Variants in ERC1 observed in about 807,000 individuals in gnomAD.
ERC1 encodes the protein RAB6 interacting protein 2.
ERC1 carries 56 observed loss-of-function variants against 132.0 expected under a neutral mutation model. The observed-to-expected ratio is 0.42, with a 90% confidence interval of 0.34 to 0.53. The LOEUF (loss-of-function observed/expected upper bound fraction) is 0.53, where lower values mean the gene tolerates loss of function less well. Among genes scored for constraint, ERC1 ranks in the 20% least tolerant of loss-of-function variants. The probability of loss-of-function intolerance (pLI) is 0.03; values close to 1 mark genes in which losing one functional copy is unlikely to be tolerated. For synonymous variants in ERC1, 478 were observed against 476.1 expected, an observed-to-expected ratio of 1.00 and a Z score of -0.05; for missense variants, 1,202 against 1,349.9, an observed-to-expected ratio of 0.89 and a Z score of 1.72.
chr12:1,380,086 A>T (rs1470188074), intron 16 of ERC1: 2 of 152,268 alleles, frequency 1.3e-5, no homozygotes, highest in Non-Finnish European at 2.9e-5. Context: ...TACATACTGT[A>T]TGATTCCACC....
At chr12:1,472,646 T>A (rs2093886076) in intron 18 of ERC1, among the ~76,000 whole-genome samples, 1 of 124,252 alleles carries the variant, frequency 8.0e-6, no homozygotes, top group African/African-American at 4.0e-5. Flanking sequence ...TGTAACCCTG[T>A]CTCAAAAGAA....
chr12:1,133,651 C>T (rs775820679), intron 7 of ERC1, among the ~76,000 whole-genome samples: 6 of 152,080 alleles, frequency 3.9e-5, no homozygotes, highest in Non-Finnish European at 7.4e-5. Context: ...TTTTTGTTTG[C>T]ATGGCGGAGT....
At position 1,443,021 on chromosome 12, in the gene ERC1, C is replaced by T. The variant is rs574562628; in HGVS notation, c.3025-1541C>T. On this transcript the variant is annotated intron_variant, in intron 17 of 18. Transcript: ENST00000360905. Reference sequence around the variant, plus strand: ...CTCCCGGGTTCACACCATTCTCCTGCCTCTGCCTCCCGAGTAGCTGGGACT... The same window carrying T: ...CTCCCGGGTTCACACCATTCTCCTGTCTCTGCCTCCCGAGTAGCTGGGACT... Among the ~76,000 whole-genome samples, 4 of 151,958 alleles carry T rather than the reference C, an allele frequency of 2.6e-5. No homozygotes were observed. In the East Asian group the frequency reaches 7.7e-4, roughly 29 times the overall value.
chr12:1,456,532 A>G (rs1470834290), intron 18 of ERC1, among the ~76,000 whole-genome samples: 1 of 152,062 alleles, frequency 6.6e-6, no homozygotes, highest in Non-Finnish European at 1.5e-5. Flanking sequence ...GACCAAGAAG[A>G]TATTATTTCT....
At chr12:1,295,316 CT>C (rs2079831878) in intron 15 of ERC1, among the ~76,000 whole-genome samples, 2 of 152,116 alleles carry the variant, frequency 1.3e-5, no homozygotes, top group African/African-American at 2.4e-5. Flanking sequence ...CTGAGGTCCC[CT>C]GATTCTGTAG....
chr12:1,222,494 C>T (rs1035349737), intron 12 of ERC1, among the ~76,000 whole-genome samples: 25 of 152,066 alleles, frequency 1.6e-4, no homozygotes, highest in African/African-American at 4.6e-4. Context: ...GGATTACAGG[C>T]GTGAGCCACC....
At chr12:1,401,005 G>A (rs1482960726) in intron 16 of ERC1, among the ~76,000 whole-genome samples, 1 of 125,160 alleles carries the variant, frequency 8.0e-6, no homozygotes, top group Admixed American at 1.1e-4. Context: ...GCGTGATCTG[G>A]GCTCACTGCA....
Position 1,115,867 on chromosome 12 carries a change from T to G in ERC1, c.1403T>G (p.Ile468Ser). ...TAAAGTGTTTTACTTCTTTTCTAGATTGGCCAGGTGAAACAGGAGCTGTCC... is the reference window on the plus strand; with the variant it reads ...TAAAGTGTTTTACTTCTTTTCTAGAGTGGCCAGGTGAAACAGGAGCTGTCC... ...KKKAAGLQAE[I>S]GQVKQELSRK... Residue 468 changes from isoleucine to serine, a missense_variant and splice_region_variant, in exon 7 of 19, where the codon ATT becomes AGT. By Grantham distance (142) the Ile-to-Ser change is moderately radical. Transcript: ENST00000360905. 6.2e-7 allele frequency: 1 copy of G among 1,612,454 alleles called. No homozygotes were observed. The highest frequency in any genetic ancestry group is 1.1e-5 in the South Asian group (1 of 90,714).
chr12:1,438,972 A>ATATATATATATATAT (rs1246217572), intron 17 of ERC1, among the ~76,000 whole-genome samples: 15 of 143,920 alleles, frequency 1.0e-4, no homozygotes, highest in African/African-American at 3.7e-4. Flanking sequence ...TATATATATA[A>ATATATATATATATAT]AAAATGACAT....
chr12:1,123,216 T>TC (rs1410267805), intron 7 of ERC1, among the ~76,000 whole-genome samples: 1 of 152,132 alleles, frequency 6.6e-6, no homozygotes, highest in Admixed American at 6.5e-5. Flanking sequence ...TAAGTATGGC[T>TC]CTTAATACGC....
At chr12:1,005,277 A>C (rs1963363965) in intron 1 of ERC1, among the ~76,000 whole-genome samples, 2 of 151,982 alleles carry the variant, frequency 1.3e-5, no homozygotes, top group African/African-American at 2.4e-5. Context: ...TCAGCCTTCG[A>C]GTAGCTGGGA....
At chr12:1,229,056 A>G (rs1440275121) in intron 12 of ERC1, among the ~76,000 whole-genome samples, 1 of 152,152 alleles carries the variant, frequency 6.6e-6, no homozygotes, top group African/African-American at 2.4e-5. Context: ...CTGCCTCTTT[A>G]ATTCTTTGGA....
At chr12:1,321,689 A>G (rs532661367) in intron 15 of ERC1, among the ~76,000 whole-genome samples, 2 of 152,308 alleles carry the variant, frequency 1.3e-5, no homozygotes, top group African/African-American at 4.8e-5. Context: ...GCCTTTATAA[A>G]TAATACTTGA....
chr12:1,205,915 A>G (rs1205503300), intron 12 of ERC1, among the ~76,000 whole-genome samples: 1 of 152,086 alleles, frequency 6.6e-6, no homozygotes, highest in African/African-American at 2.4e-5. Context: ...TCTCTAAATG[A>G]AACCCTGGGA....
In ERC1 at chr12:1,167,057, A is replaced by G. The variant is rs545634095; in HGVS notation, c.1738-13483A>G. Among the ~76,000 whole-genome samples the G allele has an allele frequency of 2.6e-5, 4 of 152,304 alleles. No individual in the cohort carries two copies. In the South Asian group the frequency reaches 8.3e-4, roughly 32 times the overall value. On this transcript the variant is annotated intron_variant, in intron 8 of 18. Coordinates refer to ENST00000360905, the MANE Select transcript of ERC1 (RefSeq NM_178040.4). ...GTTAATACGCCACATTAATGTTCTC[A>G]GAGTCTTGCAAGTTCTAGTTGAGTG...
At chr12:1,122,704 TGA>T (rs1947712341) in intron 7 of ERC1, among the ~76,000 whole-genome samples, 2 of 152,258 alleles carry the variant, frequency 1.3e-5, no homozygotes, top group Non-Finnish European at 2.9e-5. Flanking sequence ...TCTAAATCTC[TGA>T]AACAGCTGCT....
intron 17 of ERC1, among the ~76,000 whole-genome samples, chr12:1,441,059 G>GA (rs1437992728): frequency 8.6e-5 from 13 of 150,980 alleles, no homozygotes; most frequent in African/African-American, 2.0e-4. Flanking sequence ...AAATCTGTTT[G>GA]AAAATTTTTT....
intron 1 of ERC1, among the ~76,000 whole-genome samples, chr12:1,006,495 C>T (rs1963634146): frequency 6.6e-6 from 1 of 152,084 alleles, no homozygotes; most frequent in African/African-American, 2.4e-5. Flanking sequence ...GTGATCTACC[C>T]ACCTTGCCTC....
At chr12:1,363,824 G>A (rs1202394048) in intron 15 of ERC1, among the ~76,000 whole-genome samples, 1 of 152,110 alleles carries the variant, frequency 6.6e-6, no homozygotes, top group East Asian at 1.9e-4. Context: ...CCAAATTGTT[G>A]CCATTACAGG....
Sources: allele counts gnomAD v4.1 joint callset (sites outside exome capture counted in the v4.1 genomes callset), GRCh38; gene constraint gnomAD v4.1.1; transcripts MANE v1.5; gene names NCBI Gene and HGNC (gene_info 2026-07-23, HGNC 2026-07-21).